Variants in ZFHX3 observed in about 807,000 individuals in gnomAD.
ZFHX3 encodes zinc finger homeobox protein 3.
A neutral mutation model predicts 279.1 loss-of-function variants in ZFHX3; 42 were observed. That is an observed-to-expected ratio of 0.15 (90% CI 0.12 to 0.19). The LOEUF is 0.19. Among genes scored for constraint, ZFHX3 ranks in the 10% least tolerant of loss-of-function variants. The pLI, the probability that ZFHX3 is intolerant of heterozygous loss-of-function variation, is 1.00. For synonymous variants in ZFHX3, 2,293 were observed against 1,957.8 expected (o/e 1.17, Z -4.52); for missense variants, 4,981 against 4,754.0 (o/e 1.05, Z -1.40).
chr16:73,160,340 C>A (rs1357020672), intron 5 of ZFHX3, among the ~76,000 whole-genome samples: 1 of 152,172 alleles, frequency 6.6e-6, no homozygotes, highest in South Asian at 2.1e-4. Context: ...AAGCCAAGGA[C>A]CTTATGAGTC....
intron 3 of ZFHX3, among the ~76,000 whole-genome samples, chr16:73,416,572 C>A (rs1297888033): frequency 6.6e-6 from 1 of 152,112 alleles, no homozygotes; most frequent in Non-Finnish European, 1.5e-5. Context: ...CTCAATTTAG[C>A]AGACGAAAGT....
chr16:73,158,390 G>A (rs892647003), intron 5 of ZFHX3, among the ~76,000 whole-genome samples: 4 of 152,090 alleles, frequency 2.6e-5, no homozygotes, highest in African/African-American at 4.8e-5. Context: ...TGACATGAAA[G>A]TCCTTTTCTT....
chr16:73,741,819 G>C (rs532473465), intron 1 of ZFHX3, among the ~76,000 whole-genome samples: 1 of 152,290 alleles, frequency 6.6e-6, no homozygotes, highest in East Asian at 1.9e-4. Context: ...AACATAAGGG[G>C]TATAAAATGG....
intron 5 of ZFHX3, among the ~76,000 whole-genome samples, chr16:73,175,819 C>G (rs183788778): frequency 2.1e-4 from 32 of 152,290 alleles, no homozygotes; most frequent in Admixed American, 3.9e-4. Context: ...AACCCCCATT[C>G]CCATTATTTT....
intron 3 of ZFHX3, among the ~76,000 whole-genome samples, chr16:73,417,567 T>C (rs2017616651): frequency 6.6e-6 from 1 of 151,796 alleles, no homozygotes; most frequent in South Asian, 2.1e-4. Flanking sequence ...CACAGTTATC[T>C]AGGATTTTTA....
At chr16:73,032,229 G>A (rs2144678700) in intron 1 of ZFHX3, among the ~76,000 whole-genome samples, 1 of 152,266 alleles carries the variant, frequency 6.6e-6, no homozygotes, top group Non-Finnish European at 1.5e-5. Flanking sequence ...TTGAGCCCAG[G>A]AGATGGAGGT....
intron 8 of ZFHX3, among the ~76,000 whole-genome samples, chr16:73,084,573 T>G (rs1288109760): frequency 3.6e-5 from 5 of 140,462 alleles, no homozygotes; most frequent in Non-Finnish European, 7.5e-5. Flanking sequence ...CAGGCTGGAG[T>G]GCAGTGGCAC....
upstream of ZFHX3, among the ~76,000 whole-genome samples, chr16:73,049,276 T>C (rs1278090232): frequency 6.6e-6 from 1 of 152,206 alleles, no homozygotes; most frequent in East Asian, 1.9e-4. Flanking sequence ...TTTTACCCTT[T>C]CTGAAAACCA....
At chr16:73,219,000 A>T (rs1157375081) in intron 5 of ZFHX3, among the ~76,000 whole-genome samples, 1 of 152,136 alleles carries the variant, frequency 6.6e-6, no homozygotes, top group Non-Finnish European at 1.5e-5. Context: ...CTCTGAATCT[A>T]TGGATTTGTC....
intron 3 of ZFHX3, among the ~76,000 whole-genome samples, chr16:72,916,050 G>A (rs1018582580): frequency 5.9e-5 from 9 of 152,274 alleles, no homozygotes; most frequent in Admixed American, 4.6e-4. Flanking sequence ...TGGAAATGAC[G>A]GACTGGAATA....
chr16:73,093,506 T>C (rs370649587), exon 8 of ZFHX3: 2 of 503,862 alleles, frequency 4.0e-6, no homozygotes, highest in Non-Finnish European at 4.0e-6. Context: ...GATGGAGTCA[T>C]AGCTGCGCCC....
At chr16:72,951,279 G>A (rs867252509) in intron 2 of ZFHX3, among the ~76,000 whole-genome samples, 12 of 149,418 alleles carry the variant, frequency 8.0e-5, no homozygotes, top group Admixed American at 2.7e-4. Flanking sequence ...TTTTTTTCCC[G>A]AGATGGAGTC....
rs114630494 is a variant in ZFHX3 at position 73,314,162 on chromosome 16, C to T, written c.-1194+4078G>A. ...GTCCTCTTTAAGAGGTGGGTCTCAT[C>T]TAATCAGTGGAAGGCCTGAATAGAA... On this transcript the variant is annotated intron_variant, in intron 4 of 17. Transcript: ENST00000641206. Among the ~76,000 whole-genome samples the T allele has an allele frequency of 3.7e-3, 556 of 152,274 alleles. 1 individual carries two copies. Among genetic ancestry groups the T allele is most frequent in the African/African-American group, 0.013 (523 of 41,556 alleles).
At chr16:73,607,327 G>GC in intron 2 of ZFHX3, among the ~76,000 whole-genome samples, 1 of 152,262 alleles carries the variant, frequency 6.6e-6, no homozygotes, top group East Asian at 1.9e-4. Flanking sequence ...ATGCCCAGCC[G>GC]ATCTCATTCC....
At chr16:73,114,085 T>C (rs1966407012) in intron 7 of ZFHX3, among the ~76,000 whole-genome samples, 1 of 151,614 alleles carries the variant, frequency 6.6e-6, no homozygotes, top group African/African-American at 2.4e-5. Flanking sequence ...CGTGAGCTGC[T>C]GTGCCCGGCC....
chr16:73,543,885 GGA>G (rs762967059), intron 2 of ZFHX3: 292 of 135,954 alleles, frequency 2.1e-3, no homozygotes, highest in Non-Finnish European at 2.8e-3. Context: ...AGCGAGAGAG[GGA>G]GAGAGAGAGA....
At chr16:72,802,105 A>C (rs1372351270) in intron 7 of ZFHX3, among the ~76,000 whole-genome samples, 1 of 152,216 alleles carries the variant, frequency 6.6e-6, no homozygotes, top group Non-Finnish European at 1.5e-5. Flanking sequence ...TGGGCTTTTC[A>C]TACACATTAC....
intron 7 of ZFHX3, among the ~76,000 whole-genome samples, chr16:73,110,984 A>C (rs750528134): frequency 5.9e-5 from 9 of 152,176 alleles, no homozygotes; most frequent in Non-Finnish European, 1.2e-4. Flanking sequence ...TCTGTTGCCC[A>C]GGCCAGAGTA....
chr16:73,012,398 C>T (rs770039365), intron 1 of ZFHX3, among the ~76,000 whole-genome samples: 1 of 129,558 alleles, frequency 7.7e-6, no homozygotes, highest in Non-Finnish European at 1.6e-5. Flanking sequence ...TGCATTTGAA[C>T]CATATGGAAT....
Sources: allele counts gnomAD v4.1 joint callset (sites outside exome capture counted in the v4.1 genomes callset), GRCh38; gene constraint gnomAD v4.1.1; transcripts MANE v1.5; gene names NCBI Gene and HGNC (gene_info 2026-07-23, HGNC 2026-07-21).